Variants in RASEF observed in about 807,000 individuals in gnomAD.
RASEF encodes the protein RAS and EF-hand domain containing.
In RASEF, 68 loss-of-function variants were observed where a neutral mutation model predicts 90.1. The ratio of observed to expected loss-of-function variants is 0.75; its 90% CI spans 0.62 to 0.92. The LOEUF is 0.92. Ranked by LOEUF, RASEF falls within the 40% of genes least tolerant of loss-of-function variation. RASEF has a pLI of 0.00. For missense variants in RASEF, 949 were observed against 937.2 expected, an observed-to-expected ratio of 1.01 and a Z score of -0.16; for synonymous variants, 331 against 345.2, an observed-to-expected ratio of 0.96 and a Z score of 0.46.
the RASEF span, among the ~76,000 whole-genome samples, chr9:83,139,624 A>G: frequency 2.0e-5 from 3 of 152,144 alleles, no homozygotes; most frequent in African/African-American, 7.2e-5. Context: ...AGGAGGAGGA[A>G]CAGGAGGGGT....
intron 10 of RASEF, 29 bp downstream of exon 10, chr9:83,000,867 C>T: frequency 6.4e-7 from 1 of 1,559,136 alleles, no homozygotes; most frequent in Non-Finnish European, 8.8e-7. Context: ...CGTAGAAGGC[C>T]TAGGAGAGCA....
intron 6 of RASEF, among the ~76,000 whole-genome samples, chr9:83,007,970 T>C (rs1343686518): frequency 6.6e-6 from 1 of 152,138 alleles, no homozygotes; most frequent in East Asian, 1.9e-4. Flanking sequence ...CTGTGATTCC[T>C]TCCTCTTTCC....
At chr9:83,153,701 C>CTTTGGATGTTCTT in the RASEF span, among the ~76,000 whole-genome samples, 2 of 152,224 alleles carry the variant, frequency 1.3e-5, no homozygotes, top group African/African-American at 4.8e-5. Context: ...TAACGCCTCT[C>CTTTGGATGTTCTT]TTCTTTGGAT....
chr9:83,126,311 G>A, the RASEF span, among the ~76,000 whole-genome samples: 501 of 152,234 alleles, frequency 3.3e-3, 1 homozygote, highest in Non-Finnish European at 5.0e-3. Context: ...TATCATGTGA[G>A]AATGCAGCAA....
chr9:83,183,963 T>G, the RASEF span, among the ~76,000 whole-genome samples: 1 of 152,060 alleles, frequency 6.6e-6, no homozygotes, highest in South Asian at 2.1e-4. Flanking sequence ...ATGCCCAGAG[T>G]TTTCCATTCA....
At position 83,043,400 on chromosome 9, in the gene RASEF, G is replaced by C. The variant is rs79224702; in HGVS notation, c.432-17479C>G. On this transcript the variant is annotated intron_variant, in intron 1 of 16. Transcript: ENST00000376447. The stretch of plus-strand genomic sequence containing the variant: ...GGAAAGAGGGGTCTGCAGTGATTGG[G>C]GGGGGGGACCCTGGGCTTCTGCAAT... Among the ~76,000 whole-genome samples, 350 of 59,912 alleles carry C rather than the reference G, an allele frequency of 5.8e-3. 2 individuals carry two copies. Among genetic ancestry groups the C allele is most frequent in the African/African-American group, 0.013 (333 of 24,762 alleles). 39.3% of individuals were successfully genotyped at this position (59,912 alleles called of 152,430 possible).
At chr9:83,078,705 G>A in the RASEF span, among the ~76,000 whole-genome samples, 1 of 151,816 alleles carries the variant, frequency 6.6e-6, no homozygotes, top group South Asian at 2.1e-4. Flanking sequence ...GACACTTCAG[G>A]CTAACCAATC....
intron 1 of RASEF, among the ~76,000 whole-genome samples, chr9:83,058,172 CTTTTT>C (rs555842009): frequency 5.2e-5 from 3 of 57,898 alleles, no homozygotes; most frequent in South Asian, 6.8e-4. Context: ...GTATTTATGT[CTTTTT>C]TTTTTTTTTT....
At chr9:83,052,849 C>T (rs1021452689) in intron 1 of RASEF, among the ~76,000 whole-genome samples, 6 of 144,464 alleles carry the variant, frequency 4.2e-5, no homozygotes, top group Non-Finnish European at 9.0e-5. Context: ...TGTAGTTGAG[C>T]GGCTTTGAGT....
At chr9:83,075,912 G>A in the RASEF span, among the ~76,000 whole-genome samples, 1 of 152,232 alleles carries the variant, frequency 6.6e-6, no homozygotes, top group Admixed American at 6.5e-5. Context: ...GCTCACACCT[G>A]TAATCCCAGC....
chr9:83,123,107 G>A, the RASEF span, among the ~76,000 whole-genome samples: 3 of 152,144 alleles, frequency 2.0e-5, no homozygotes, highest in African/African-American at 7.2e-5. Flanking sequence ...GGGTGTGGTG[G>A]CGTATGCCTG....
At chr9:83,148,902 A>G in the RASEF span, among the ~76,000 whole-genome samples, 1 of 152,326 alleles carries the variant, frequency 6.6e-6, no homozygotes, top group East Asian at 1.9e-4. Context: ...ATAAAGTGGT[A>G]ATGCTGAGTG....
the RASEF span, among the ~76,000 whole-genome samples, chr9:83,142,267 G>A: frequency 6.6e-6 from 1 of 152,144 alleles, no homozygotes; most frequent in Non-Finnish European, 1.5e-5. Flanking sequence ...CTCATCAAAG[G>A]AAGAAATTTT....
chr9:83,140,748 GAAAAAT>G, the RASEF span, among the ~76,000 whole-genome samples: 1 of 152,000 alleles, frequency 6.6e-6, no homozygotes, highest in Admixed American at 6.6e-5. Flanking sequence ...TAAGGAATCA[GAAAAAT>G]AATTTAGAAA....
chr9:82,998,884 A>T (rs1401986421), intron 12 of RASEF, among the ~76,000 whole-genome samples: 1 of 152,144 alleles, frequency 6.6e-6, no homozygotes, highest in Non-Finnish European at 1.5e-5. Context: ...ATGTAGGTAT[A>T]TATGTATAAA....
At chr9:83,131,623 T>A in the RASEF span, among the ~76,000 whole-genome samples, 1 of 152,208 alleles carries the variant, frequency 6.6e-6, no homozygotes. Context: ...TGGATTGCAG[T>A]GGATCACTTC....
intron 9 of RASEF, among the ~76,000 whole-genome samples, chr9:83,003,680 T>C (rs1164072266): frequency 1.3e-5 from 2 of 152,184 alleles, no homozygotes; most frequent in African/African-American, 4.8e-5. Flanking sequence ...GTAACAGGTC[T>C]TCCTAAATGG....
chr9:83,028,032 C>T (rs1157138035), intron 1 of RASEF, among the ~76,000 whole-genome samples: 1 of 152,144 alleles, frequency 6.6e-6, no homozygotes, highest in African/African-American at 2.4e-5. Context: ...AAGCAAAGAA[C>T]ATTTATACCA....
intron 16 of RASEF, among the ~76,000 whole-genome samples, chr9:82,986,274 C>G (rs1828709938): frequency 6.6e-6 from 1 of 152,170 alleles, no homozygotes; most frequent in African/African-American, 2.4e-5. Flanking sequence ...GTACAATAAC[C>G]ATAGCATCTT....
Sources: gnomAD v4.1 joint callset for allele counts (sites outside exome capture counted in the v4.1 genomes callset) on GRCh38, gnomAD v4.1.1 for gene constraint, MANE v1.5 for transcripts, NCBI Gene and HGNC (gene_info 2026-07-23, HGNC 2026-07-21) for gene names.